PCDH15: variants seen among roughly 807,000 people sequenced by gnomAD.
PCDH15 encodes protocadherin related 15.
In PCDH15, 129 loss-of-function variants were observed where a neutral mutation model predicts 178.5. That is an observed-to-expected ratio of 0.72 (90% CI 0.63 to 0.84). The LOEUF is 0.84. Ranked by LOEUF, PCDH15 falls within the 40% of genes least tolerant of loss-of-function variation. The pLI, the probability that PCDH15 is intolerant of heterozygous loss-of-function variation, is 0.00. For synonymous variants in PCDH15, 800 were observed against 732.0 expected, an observed-to-expected ratio of 1.09 and a Z score of -1.50; for missense variants, 2,230 against 2,099.9, an observed-to-expected ratio of 1.06 and a Z score of -1.21.
chr10:54,993,215 G>T (rs1839548601), intron 2 of PCDH15, among the ~76,000 whole-genome samples: 2 of 152,092 alleles, frequency 1.3e-5, no homozygotes, highest in African/African-American at 4.8e-5. Context: ...AAATTTTCAG[G>T]CTAAACAAAC....
intron 2 of PCDH15, among the ~76,000 whole-genome samples, chr10:55,043,785 A>C (rs1840928850): frequency 1.3e-5 from 2 of 151,788 alleles, no homozygotes; most frequent in African/African-American, 4.8e-5. Context: ...AAAAACACTC[A>C]TAGAAACCTC....
At chr10:54,888,348 C>T (rs1296800283) in intron 3 of PCDH15, among the ~76,000 whole-genome samples, 4 of 151,704 alleles carry the variant, frequency 2.6e-5, no homozygotes, top group Admixed American at 1.3e-4. Context: ...TAGATTTATC[C>T]GTGTGGTTAG....
chr10:54,324,375 T>C (rs1188231329), intron 7 of PCDH15, among the ~76,000 whole-genome samples: 5 of 152,132 alleles, frequency 3.3e-5, no homozygotes, highest in Non-Finnish European at 7.4e-5. Context: ...ATAGCTAGCA[T>C]CCCTTCTCTA....
Position 54,243,848 on chromosome 10 carries a change from G to GCCCAA in PCDH15, c.877-6918_877-6917insTTGGG, listed in dbSNP as rs1591385309. 2.6e-5 allele frequency among the ~76,000 whole-genome samples: 4 copies of GCCCAA among 151,954 alleles called. No individual in the cohort carries two copies. In the East Asian group the frequency reaches 7.9e-4, roughly 30 times the overall value. ...TTTTAAAAAATAGTAACGAATTGGG[G>GCCCAA]TGAGTAGTATGGGCCAAGCCAATTA... On this transcript the variant is annotated intron_variant, in intron 8 of 37. Transcript: ENST00000644397.
At chr10:55,050,174 T>G (rs1200788145) in intron 2 of PCDH15, among the ~76,000 whole-genome samples, 1 of 152,004 alleles carries the variant, frequency 6.6e-6, no homozygotes, top group African/African-American at 2.4e-5. Context: ...TTAACCCATA[T>G]AGAAAAAAAT....
chr10:55,407,458 A>T (rs1838226049), intron 2 of PCDH15, among the ~76,000 whole-genome samples: 1 of 152,204 alleles, frequency 6.6e-6, no homozygotes, highest in African/African-American at 2.4e-5. Flanking sequence ...CAGCCTTCAC[A>T]AGATGAGAAT....
chr10:54,245,673 C>T (rs1008275418), intron 8 of PCDH15, among the ~76,000 whole-genome samples: 4 of 151,590 alleles, frequency 2.6e-5, no homozygotes, highest in African/African-American at 7.3e-5. Context: ...AAAATTGGAA[C>T]TGTTGAAGGC....
chr10:54,585,012 A>G (rs998140675), intron 2 of PCDH15, among the ~76,000 whole-genome samples: 1 of 152,124 alleles, frequency 6.6e-6, no homozygotes, highest in Admixed American at 6.6e-5. Flanking sequence ...CATTACATGA[A>G]AATTTTACCA....
intron 3 of PCDH15, among the ~76,000 whole-genome samples, chr10:54,504,718 T>C (rs2081019830): frequency 6.6e-6 from 1 of 152,242 alleles, no homozygotes; most frequent in Middle Eastern, 3.4e-3. Context: ...TACATATACA[T>C]ATATACATAT....
At chr10:55,569,769 T>A (rs1842371266) in intron 2 of PCDH15, among the ~76,000 whole-genome samples, 1 of 151,986 alleles carries the variant, frequency 6.6e-6, no homozygotes, top group Non-Finnish European at 1.5e-5. Flanking sequence ...ATAAAAAGTA[T>A]GATATTTAAT....
At chr10:55,212,443 TG>T (rs1170028406) in intron 1 of PCDH15, among the ~76,000 whole-genome samples, 2 of 152,148 alleles carry the variant, frequency 1.3e-5, no homozygotes, top group Admixed American at 1.3e-4. Context: ...TCCCTCTTTG[TG>T]TGTCTGTGTC....
chr10:54,970,618 T>A (rs1044759353), intron 2 of PCDH15, among the ~76,000 whole-genome samples: 90 of 151,778 alleles, frequency 5.9e-4, no homozygotes, highest in African/African-American at 1.8e-3. Flanking sequence ...AAAATTCCCT[T>A]AAAAAAACTA....
intron 1 of PCDH15, among the ~76,000 whole-genome samples, chr10:54,775,031 T>C (rs1487092825): frequency 6.6e-6 from 1 of 152,196 alleles, no homozygotes; most frequent in Non-Finnish European, 1.5e-5. Flanking sequence ...TATATCAATG[T>C]ATTATTAAAC....
chr10:54,290,163 C>T (rs1482307644), intron 8 of PCDH15, among the ~76,000 whole-genome samples: 2 of 152,150 alleles, frequency 1.3e-5, no homozygotes, highest in Non-Finnish European at 1.5e-5. Context: ...GAGTTACCCA[C>T]AAAGGGAAGC....
intron 2 of PCDH15, among the ~76,000 whole-genome samples, chr10:55,363,722 G>T (rs1470802559): frequency 6.6e-6 from 1 of 151,838 alleles, no homozygotes; most frequent in Non-Finnish European, 1.5e-5. Context: ...TGCAACCTCC[G>T]CCTCTTGAGT....
chr10:54,469,595 G>A (rs2077755051), intron 3 of PCDH15, among the ~76,000 whole-genome samples: 1 of 152,198 alleles, frequency 6.6e-6, no homozygotes, highest in African/African-American at 2.4e-5. Context: ...TGGCGGCAGT[G>A]CAGGTCAATT....
At chr10:55,397,111 G>A (rs1006676761) in intron 2 of PCDH15, among the ~76,000 whole-genome samples, 1 of 152,130 alleles carries the variant, frequency 6.6e-6, no homozygotes, top group African/African-American at 2.4e-5. Context: ...CTCAACAACT[G>A]CAGTAGAACT....
chr10:54,165,765 G>A (rs1418420390), intron 13 of PCDH15, among the ~76,000 whole-genome samples: 1 of 152,076 alleles, frequency 6.6e-6, no homozygotes, highest in Admixed American at 6.5e-5. Flanking sequence ...TACTCTACAT[G>A]CAAGGTAGCC....
intron 29 of PCDH15, among the ~76,000 whole-genome samples, chr10:53,834,082 T>C (rs1172972947): frequency 6.6e-6 from 1 of 152,198 alleles, no homozygotes; most frequent in East Asian, 1.9e-4. Flanking sequence ...CTTATTGTAT[T>C]GTACCATTGG....
Sources: allele counts gnomAD v4.1 joint callset (sites outside exome capture counted in the v4.1 genomes callset), GRCh38; gene constraint gnomAD v4.1.1; transcripts MANE v1.5; gene names NCBI Gene and HGNC (gene_info 2026-07-23, HGNC 2026-07-21).